Variants in NPC1L1 observed in about 807,000 individuals in gnomAD.
NPC1L1 encodes NPC1-like intracellular cholesterol transporter 1.
Under a neutral mutation model 117.0 loss-of-function variants are expected in NPC1L1, and 98 were observed. The ratio of observed to expected loss-of-function variants is 0.84; its 90% CI spans 0.71 to 0.99. The LOEUF is 0.99. Among genes scored for constraint, NPC1L1 ranks in the 50% least tolerant of loss-of-function variants. The pLI is 0.00. For synonymous variants in NPC1L1, 729 were observed against 727.6 expected (o/e 1.00, Z -0.03); for missense variants, 1,540 against 1,710.0 (o/e 0.90, Z 1.75).
In NPC1L1 at chr7:44,521,038, G is replaced by T; in HGVS notation, c.3034C>A (p.Leu1012Ile). The part of the protein sequence containing the change: ...RPSVEQFHKY[L>I]PWFLNDRPNI... ...GGCCGGTCGTTCAGGAACCAGGGAA[G>T]ATACTTATGGAACTGCTCCACCGAG... Residue 1012 changes from leucine (L) to isoleucine (I), a missense_variant, in exon 13 of 19, where the codon CTT (leucine) becomes ATT (isoleucine). Leu to Ile is a conservative substitution (Grantham distance 5, BLOSUM62 2). This residue lies in a region of NPC1L1 where 742 missense variants were observed against 873.6 expected (regional missense o/e 0.85). Transcript: ENST00000381160. 1.2e-6 allele frequency: 2 copies of T among 1,614,154 alleles called. No homozygotes were observed. The highest frequency in any genetic ancestry group is 2.2e-5 in the South Asian group (2 of 91,076).
intron 10 of NPC1L1, among the ~76,000 whole-genome samples, chr7:44,523,364 C>T (rs142029909): frequency 3.3e-5 from 5 of 152,174 alleles, no homozygotes; most frequent in East Asian, 3.9e-4. Context: ...CCTAGTGTAA[C>T]GATTTTGGAA....
chr7:44,520,959 G>A, intron 13 of NPC1L1, 33 bp downstream of exon 13: 1 of 1,614,130 alleles, frequency 6.2e-7, no homozygotes, highest in East Asian at 2.2e-5. Context: ...CCACATGTCT[G>A]TCCTCCCCAG....
Position 44,519,993 on chromosome 7 carries a change from G to A in NPC1L1, c.3136+772C>T, listed in dbSNP as rs1801302322. Among the ~76,000 whole-genome samples, 3 of 152,050 alleles carry A rather than the reference G, an allele frequency of 2.0e-5. No individual in the cohort carries two copies. The South Asian group carries it at 6.2e-4, about 32-fold the overall frequency. On this transcript the variant is annotated intron_variant, in intron 14 of 18. Transcript: ENST00000381160. ...GCAATTTTTTAAATTTTACTTTGTA[G>A]AGGAGGCCGGGCACAGTGGCTCATG...
At chr7:44,525,624 G>A (rs1416347917) in intron 10 of NPC1L1, among the ~76,000 whole-genome samples, 1 of 152,068 alleles carries the variant, frequency 6.6e-6, no homozygotes, top group African/African-American at 2.4e-5. Flanking sequence ...TGTAGTCCCA[G>A]CTACTCAAGA....
chr7:44,537,069 C>T, intron 2 of NPC1L1, 127 bp from the exon 3 acceptor site: 1 of 724,392 alleles, frequency 1.4e-6, no homozygotes, highest in Non-Finnish European at 2.3e-6. Context: ...GTGGGGGACA[C>T]TGGCTGCAGA....
Position 44,516,176 on chromosome 7 carries a change from A to G in NPC1L1, c.3541T>C (p.Phe1181Leu), listed in dbSNP as rs1205884768. ...LVSAVGMSVE[F>L]VSHITRSFAI... Reference sequence around the variant, plus strand: ...AAGGAGCGGGTAATGTGGGACACAAACTCCACAGACATGCCCACCGCCTAT... The same window carrying G: ...AAGGAGCGGGTAATGTGGGACACAAGCTCCACAGACATGCCCACCGCCTAT... The change falls in exon 17 of 19, where the codon TTT becomes CTT. Residue 1181 changes from phenylalanine (F) to leucine (L), a missense_variant. Physicochemically the swap from Phe to Leu is conservative, Grantham distance 22 (BLOSUM62 0). Around this residue, in one of 3 missense-constraint regions of NPC1L1, gnomAD observed 742 missense variants for 873.6 expected, o/e 0.85. Coordinates refer to ENST00000381160, the MANE Select transcript of NPC1L1 (RefSeq NM_001101648.2). 6.2e-7 allele frequency: 1 copy of G among 1,609,386 alleles called. No individual in the cohort carries two copies. The highest frequency in any genetic ancestry group is 8.5e-7 in the Non-Finnish European group (1 of 1,177,854).
chr7:44,521,613 G>C (rs559169312), intron 12 of NPC1L1, 99 bp downstream of exon 12: 5 of 1,566,392 alleles, frequency 3.2e-6, no homozygotes, highest in Non-Finnish European at 2.6e-6. Context: ...TGCAGGATGC[G>C]TGGGAGAGGT....
intron 12 of NPC1L1, 89 bp downstream of exon 12, chr7:44,521,623 T>A (rs1801355039): frequency 6.3e-7 from 1 of 1,590,582 alleles, no homozygotes; most frequent in South Asian, 1.1e-5. Context: ...GTGGGAGAGG[T>A]TGAGGGAGCC....
rs758572307 is a variant in NPC1L1 at position 44,539,801 on chromosome 7, G to A, written c.596C>T (p.Ala199Val). The A allele has an allele frequency of 1.2e-6, 2 of 1,614,134 alleles. No individual in the cohort carries two copies. Among genetic ancestry groups the A allele is most frequent in the Non-Finnish European group, 1.7e-6 (2 of 1,180,048 alleles). Residue 199 changes from alanine (A) to valine (V), a missense_variant, in exon 2 of 19, where the codon GCC becomes GTC. Ala to Val is a moderately conservative substitution (Grantham distance 64, BLOSUM62 0). Coordinates refer to ENST00000381160, the MANE Select transcript of NPC1L1 (RefSeq NM_001101648.2). This position sits in a 1 kb window ranked among gnomAD's most constrained non-coding sequence, Gnocchi z 4.4. ...TCCCTGGAAGTTGAGCCAGCGCTGG[G>A]CATTGCAAAGGGCAGAGCCATACAC... ...CGVYGSALCN[A>V]QRWLNFQGDT...
chr7:44,536,857 T>G lies in NPC1L1; in HGVS notation c.1666A>C (p.Ile556Leu). Residue 556 changes from isoleucine (I) to leucine (L), a missense_variant, in exon 3 of 19, where the codon ATT becomes CTT. Ile to Leu is a conservative substitution (Grantham distance 5). Around this residue, in one of 3 missense-constraint regions of NPC1L1, gnomAD observed 793 missense variants for 820.4 expected, o/e 0.97. Transcript: ENST00000381160. The surrounding 1 kb of genome is among the most constrained non-coding windows in gnomAD (Gnocchi z 4.7). The part of the protein sequence containing the change: ...YGAPVFPFLA[I>L]GGYKGKDYSE... ...CTTAGCTTACCTTTGTACCCCCCAATGGCAAGGAAGGGGAAGACAGGGGCC... is the reference window on the plus strand; with the variant it reads ...CTTAGCTTACCTTTGTACCCCCCAAGGGCAAGGAAGGGGAAGACAGGGGCC... 6.2e-7 allele frequency: 1 copy of G among 1,613,534 alleles called. No homozygotes were observed. The highest frequency in any genetic ancestry group is 8.5e-7 in the Non-Finnish European group (1 of 1,179,618).
rs531763308 is a variant in NPC1L1 at position 44,540,447 on chromosome 7, G to A, written c.55-105C>T. 2.8e-5 allele frequency: 29 copies of A among 1,026,272 alleles called. No individual in the cohort carries two copies. In the South Asian group the frequency reaches 3.8e-4, roughly 14 times the overall value. The allele number at this position is 1,026,272 out of a possible 1,614,324, so 63.6% of individuals were successfully genotyped here. A position where few individuals can be genotyped will look rare whatever the true frequency, so the allele number is the denominator to read the frequency against. On this transcript the variant is annotated intron_variant, in intron 1 of 18. Transcript: ENST00000381160. Reference sequence around the variant, plus strand: ...GAGGGTAAGAAGGACATGGAGCAGGGGCAGGGAAGCGGGGAGTGTGGGGAG... The same window carrying A: ...GAGGGTAAGAAGGACATGGAGCAGGAGCAGGGAAGCGGGGAGTGTGGGGAG...
chr7:44,518,997 CTCTT>C (rs1217786453), intron 14 of NPC1L1, among the ~76,000 whole-genome samples: 5 of 150,878 alleles, frequency 3.3e-5, no homozygotes, highest in African/African-American at 9.8e-5. Context: ...CTCTTTCTCT[CTCTT>C]TCTCTCTCTC....
chr7:44,517,198 G>A lies in NPC1L1; in HGVS notation c.3287+9C>T, dbSNP rs1801217250. On this transcript the variant is annotated intron_variant, in intron 15 of 18. Transcript: ENST00000381160. The stretch of plus-strand genomic sequence containing the variant: ...CACCTCCCTCCAGCCCAGCCACTCA[G>A]GTCCTCACGTGTAGGGGAAGACCTC... 1 of 1,614,140 alleles carries A rather than the reference G, an allele frequency of 6.2e-7. No homozygotes were observed. The highest frequency in any genetic ancestry group is 1.3e-5 in the African/African-American group (1 of 75,058).
chr7:44,517,848 G>A (rs1024341743), intron 14 of NPC1L1, among the ~76,000 whole-genome samples: 2 of 152,146 alleles, frequency 1.3e-5, no homozygotes, highest in Non-Finnish European at 2.9e-5. Context: ...GGGTGTGGTG[G>A]CTCATGCCTG....
chr7:44,528,770 T>C (rs1177551773), intron 10 of NPC1L1, among the ~76,000 whole-genome samples: 1 of 152,096 alleles, frequency 6.6e-6, no homozygotes, highest in East Asian at 1.9e-4. Flanking sequence ...AACTCTCCAA[T>C]CAAAAGAGAG....
Position 44,536,896 on chromosome 7 carries a change from T to G in NPC1L1, c.1627A>C (p.Met543Leu), listed in dbSNP as rs1467378861. Residue 543 changes from methionine (M) to leucine (L), a missense_variant, in exon 3 of 19, where the codon ATG becomes CTG. Met to Leu is a conservative substitution (Grantham distance 15). Coordinates refer to ENST00000381160, the MANE Select transcript of NPC1L1 (RefSeq NM_001101648.2). This position sits in a 1 kb window ranked among gnomAD's most constrained non-coding sequence, Gnocchi z 4.7. ...KDGTALALSC[M>L]ADYGAPVFPF... is the part of the protein sequence containing the mutation. ...AAGACAGGGGCCCCGTAGTCAGCCA[T>G]GCAGCTCAGGGCCAGGGCTGTGCCA... 6.2e-7 allele frequency: 1 copy of G among 1,614,052 alleles called. No homozygotes were observed. The highest frequency in any genetic ancestry group is 8.5e-7 in the Non-Finnish European group (1 of 1,179,980).
Position 44,513,155 on chromosome 7 carries a change from G to GACAAACATGGAGTGTGTC in NPC1L1, c.*274_*291dup. The stretch of plus-strand genomic sequence containing the variant: ...CTCCTAGGAAAGTGAGTGAGTGTGG[G>GACAAACATGGAGTGTGTC]ACAAACATGGAGTGTGTCTGTTCCT... On this transcript the variant is annotated 3_prime_UTR_variant, in exon 19 of 19. Coordinates refer to ENST00000381160, the MANE Select transcript of NPC1L1 (RefSeq NM_001101648.2). 2.1e-6 allele frequency: 1 copy of GACAAACATGGAGTGTGTC among 472,604 alleles called. No individual in the cohort carries two copies. The allele number at this position is 472,604 out of a possible 1,614,324, so 29.3% of individuals were successfully genotyped here.
At chr7:44,532,588 G>A (rs925701855) in intron 8 of NPC1L1, among the ~76,000 whole-genome samples, 2 of 152,300 alleles carry the variant, frequency 1.3e-5, no homozygotes, top group Admixed American at 1.3e-4. Flanking sequence ...ACCTGAAGAC[G>A]ACGAGGATGA....
At position 44,533,851 on chromosome 7, in the gene NPC1L1, C is replaced by T; in HGVS notation, c.2169G>A (p.Arg723=). 2 of 1,610,170 alleles carry T rather than the reference C, an allele frequency of 1.2e-6. No homozygotes were observed. The highest frequency in any genetic ancestry group is 2.2e-5 in the South Asian group (2 of 90,292). The change falls in exon 7 of 19, where the codon AGG becomes AGA. Residue 723 remains arginine, a splice_region_variant and synonymous_variant. Transcript: ENST00000381160. The part of the protein sequence containing the change: ...NIFIFVLEYQ[R]LPRRPGEPRE... The stretch of plus-strand genomic sequence containing the variant: ...GTGGCTCCCCAGGCCTCCGGGGCAG[C>T]CTCTGTGTGGGAACAGCAGGGATAA...
Sources: allele counts gnomAD v4.1 joint callset (sites outside exome capture counted in the v4.1 genomes callset), GRCh38; gene constraint gnomAD v4.1.1; regional missense constraint gnomAD v4.1.1; non-coding constraint Gnocchi (gnomAD v3.1); transcripts MANE v1.5; gene names NCBI Gene and HGNC (gene_info 2026-07-23, HGNC 2026-07-21).